The following ZBTB7C variants were observed in gnomAD, a reference collection of about 807,000 sequenced individuals.
ZBTB7C encodes zinc finger and BTB domain-containing protein 7C.
In ZBTB7C, 8 loss-of-function variants were observed where a neutral mutation model predicts 25.7. The ratio of observed to expected loss-of-function variants is 0.31; its 90% CI spans 0.18 to 0.56. The LOEUF is 0.56. ZBTB7C is among the 20% of genes least tolerant of loss of function. The probability of loss-of-function intolerance (pLI) is 0.91; values close to 1 mark genes in which losing one functional copy is unlikely to be tolerated. For missense variants in ZBTB7C, 824 were observed against 855.2 expected (o/e 0.96, Z 0.46); for synonymous variants, 394 against 369.0 (o/e 1.07, Z -0.78).
intron 3 of ZBTB7C, among the ~76,000 whole-genome samples, chr18:48,103,089 TTA>T (rs869186380): frequency 8.2e-6 from 1 of 122,260 alleles, no homozygotes; most frequent in Non-Finnish European, 1.7e-5. Flanking sequence ...TATATATATC[TTA>T]TATATATTAT....
intron 2 of ZBTB7C, among the ~76,000 whole-genome samples, chr18:48,277,218 A>C (rs1027344044): frequency 6.9e-6 from 1 of 145,610 alleles, no homozygotes; most frequent in Non-Finnish European, 1.5e-5. Flanking sequence ...CAACCTACAA[A>C]ATGGGAGAAA....
At chr18:48,325,777 C>T (rs1243188964) in intron 2 of ZBTB7C, among the ~76,000 whole-genome samples, 2 of 152,144 alleles carry the variant, frequency 1.3e-5, no homozygotes, top group African/African-American at 4.8e-5. Context: ...TCATGTAGCT[C>T]ACCTGCATGA....
At chr18:48,255,854 T>C (rs933308698) in intron 2 of ZBTB7C, among the ~76,000 whole-genome samples, 5 of 152,122 alleles carry the variant, frequency 3.3e-5, no homozygotes, top group African/African-American at 9.7e-5. Flanking sequence ...CTGGATAGAA[T>C]CCAATAACAG....
In ZBTB7C at chr18:48,041,043, C is replaced by T; in HGVS notation, c.65G>A (p.Cys22Tyr). Residue 22 changes from cysteine (C) to tyrosine (Y), a missense_variant, in exon 4 of 5, where the codon TGC becomes TAC. This residue lies in a region of ZBTB7C where 117 missense variants were observed against 167.7 expected (regional missense o/e 0.70). Transcript: ENST00000590800. ...PFPNHSSEVL[C>Y]SLNEQRHDGL... ...ATCGTGCCGTTGCTCATTGAGGCTG[C>T]ACAGGACCTCACTGCTGTGGTTGGG... is the stretch of plus-strand genomic sequence containing the variant. The T allele has an allele frequency of 6.2e-7, 1 of 1,613,094 alleles. No homozygotes were observed. The highest frequency in any genetic ancestry group is 8.5e-7 in the Non-Finnish European group (1 of 1,179,316).
intron 3 of ZBTB7C, among the ~76,000 whole-genome samples, chr18:48,153,377 G>C (rs1480073860): frequency 6.6e-6 from 1 of 152,152 alleles, no homozygotes; most frequent in African/African-American, 2.4e-5. Context: ...AATAGAGGGA[G>C]AGGAGCTAGA....
chr18:48,284,171 G>A (rs1165221625), intron 2 of ZBTB7C, among the ~76,000 whole-genome samples: 4 of 152,162 alleles, frequency 2.6e-5, no homozygotes, highest in African/African-American at 4.8e-5. Flanking sequence ...AAGAACAAAA[G>A]GGGACTGGGC....
At chr18:48,187,690 C>G (rs550357431) in intron 2 of ZBTB7C, among the ~76,000 whole-genome samples, 3 of 151,700 alleles carry the variant, frequency 2.0e-5, no homozygotes, top group African/African-American at 7.3e-5. Flanking sequence ...GTGTGGGGGC[C>G]GGTGCCTGTA....
intron 2 of ZBTB7C, among the ~76,000 whole-genome samples, chr18:48,315,001 C>T (rs1248792401): frequency 6.6e-6 from 1 of 152,146 alleles, no homozygotes; most frequent in Non-Finnish European, 1.5e-5. Context: ...CTGCAGAGGG[C>T]ATGGTGACCA....
intron 2 of ZBTB7C, among the ~76,000 whole-genome samples, chr18:48,258,740 C>T (rs779062392): frequency 1.3e-5 from 2 of 152,190 alleles, no homozygotes; most frequent in Admixed American, 1.3e-4. Context: ...TCACTGCAAC[C>T]TCCATCTCCC....
At chr18:48,344,536 G>T (rs1390069292) in intron 1 of ZBTB7C, among the ~76,000 whole-genome samples, 3 of 152,154 alleles carry the variant, frequency 2.0e-5, no homozygotes, top group African/African-American at 7.2e-5. Flanking sequence ...GGGAGACAGG[G>T]ACAAGGCCAG....
chr18:48,335,915 T>C (rs1436994367), intron 2 of ZBTB7C, among the ~76,000 whole-genome samples: 1 of 152,218 alleles, frequency 6.6e-6, no homozygotes, highest in African/African-American at 2.4e-5. Context: ...CTACCACATT[T>C]AAAATGACAC....
chr18:48,341,373 A>G (rs1225584728), intron 1 of ZBTB7C, among the ~76,000 whole-genome samples: 1 of 152,176 alleles, frequency 6.6e-6, no homozygotes. Context: ...CTGCATTTGG[A>G]TTCTCTCTGA....
At chr18:48,359,097 GC>G (rs2047043478) in intron 1 of ZBTB7C, among the ~76,000 whole-genome samples, 1 of 152,088 alleles carries the variant, frequency 6.6e-6, no homozygotes, top group Non-Finnish European at 1.5e-5. Context: ...ACAACTTACT[GC>G]CCGGAGTACA....
intron 2 of ZBTB7C, among the ~76,000 whole-genome samples, chr18:48,314,113 A>AG (rs2045889265): frequency 6.6e-6 from 1 of 152,228 alleles, no homozygotes; most frequent in African/African-American, 2.4e-5. Context: ...ACCCTGTCTC[A>AG]GGTATTCCTT....
chr18:48,328,009 C>T (rs1264046176), intron 2 of ZBTB7C, among the ~76,000 whole-genome samples: 1 of 151,758 alleles, frequency 6.6e-6, no homozygotes, highest in African/African-American at 2.4e-5. Flanking sequence ...GAGATCGAGA[C>T]CATCCTGGCT....
chr18:48,199,681 C>T (rs538852692), intron 2 of ZBTB7C, among the ~76,000 whole-genome samples: 2 of 152,008 alleles, frequency 1.3e-5, no homozygotes, highest in South Asian at 4.2e-4. Context: ...TCCTCCTCCT[C>T]CTCCCCTCTC....
intron 3 of ZBTB7C, among the ~76,000 whole-genome samples, chr18:48,100,702 T>TAAGTC (rs2144608912): frequency 6.6e-6 from 1 of 152,324 alleles, no homozygotes; most frequent in South Asian, 2.1e-4. Context: ...AGACATTACA[T>TAAGTC]TATTTTAATA....
intron 2 of ZBTB7C, among the ~76,000 whole-genome samples, chr18:48,231,886 A>G (rs1416130778): frequency 6.6e-6 from 1 of 152,190 alleles, no homozygotes. Flanking sequence ...TTCTTGTGGT[A>G]GGGTCTGGTC....
intron 2 of ZBTB7C, among the ~76,000 whole-genome samples, chr18:48,233,242 C>T (rs2043298756): frequency 1.3e-5 from 2 of 151,988 alleles, no homozygotes; most frequent in Non-Finnish European, 1.5e-5. Flanking sequence ...CTCTCTCTCT[C>T]CCTTCACCCC....
Sources: allele counts gnomAD v4.1 joint callset (sites outside exome capture counted in the v4.1 genomes callset), GRCh38; gene constraint gnomAD v4.1.1; regional missense constraint gnomAD v4.1.1; transcripts MANE v1.5; gene names NCBI Gene and HGNC (gene_info 2026-07-23, HGNC 2026-07-21).